CHM: variants seen among roughly 807,000 people sequenced by gnomAD.
CHM encodes CHM Rab escort protein, also known as rab proteins geranylgeranyltransferase component A 1.
Under a neutral mutation model 49.0 loss-of-function variants are expected in CHM, and 10 were observed. That is an observed-to-expected ratio of 0.20 (90% CI 0.13 to 0.35). The LOEUF (loss-of-function observed/expected upper bound fraction) is 0.35. Among genes scored for constraint, CHM ranks in the 10% least tolerant of loss-of-function variants. The pLI, the probability that CHM is intolerant of heterozygous loss-of-function variation, is 1.00. For missense variants in CHM, 455 were observed against 478.4 expected (o/e 0.95, Z 0.46); for synonymous variants, 184 against 167.5 (o/e 1.10, Z -0.76).
chrX:86,031,574 C>T (rs1048290141), intron 1 of CHM, among the ~76,000 whole-genome samples: 5 of 112,775 alleles, frequency 4.4e-5, no homozygotes, highest in African/African-American at 9.7e-5. Context: ...GGCACGGTGG[C>T]TCACACCTGT....
At chrX:85,934,220 T>A (rs996189718) in intron 8 of CHM, among the ~76,000 whole-genome samples, 3 of 107,467 alleles carry the variant, frequency 2.8e-5, no homozygotes, top group Non-Finnish European at 5.8e-5. Context: ...GACCTTGTGA[T>A]CTGCCCACCT....
chrX:86,012,686 T>C (rs1302022272), intron 2 of CHM, among the ~76,000 whole-genome samples: 2 of 111,541 alleles, frequency 1.8e-5, no homozygotes, highest in Non-Finnish European at 3.8e-5. Flanking sequence ...ATACTGTTGT[T>C]GGCAAATTCT....
At chrX:85,905,821 A>G (rs1230416457) in intron 9 of CHM, among the ~76,000 whole-genome samples, 1 of 111,618 alleles carries the variant, frequency 9.0e-6, no homozygotes, top group East Asian at 2.8e-4. Flanking sequence ...ACAGGGAGAC[A>G]GAGGCCAGAT....
chrX:85,976,479 G>C (rs752012968), intron 4 of CHM, among the ~76,000 whole-genome samples: 1 of 110,550 alleles, frequency 9.0e-6, no homozygotes, highest in African/African-American at 3.3e-5. Flanking sequence ...AAAATTAGCC[G>C]GGTGTGGTGG....
At chrX:85,876,268 A>G (rs1603235440) in intron 13 of CHM, among the ~76,000 whole-genome samples, 1 of 111,821 alleles carries the variant, frequency 8.9e-6, no homozygotes, top group African/African-American at 3.2e-5. Context: ...CAGAGAATGT[A>G]GAATTCAAAG....
intron 11 of CHM, among the ~76,000 whole-genome samples, chrX:85,897,626 G>A (rs1925989916): frequency 9.1e-6 from 1 of 110,233 alleles, no homozygotes; most frequent in South Asian, 3.9e-4. Flanking sequence ...GAGGAGCAGG[G>A]GATAAGCAGG....
chrX:85,897,498 T>C (rs1925977564), intron 11 of CHM, among the ~76,000 whole-genome samples: 2 of 109,495 alleles, frequency 1.8e-5, no homozygotes, highest in South Asian at 7.9e-4. Context: ...TCCTGATTCA[T>C]TCCTGGGCTG....
chrX:85,989,803 C>G (rs780156473), intron 2 of CHM, among the ~76,000 whole-genome samples: 16 of 111,900 alleles, frequency 1.4e-4, no homozygotes, highest in Non-Finnish European at 2.1e-4. Flanking sequence ...TACCATCTCA[C>G]ACTAGTCAAA....
rs909482629 is a variant in CHM at position 85,863,786 on chromosome X, A to G, written c.*844T>C. On this transcript the variant is annotated 3_prime_UTR_variant, in exon 15 of 15. Coordinates refer to ENST00000357749, the MANE Select transcript of CHM (RefSeq NM_000390.4). ...ACCATTCTCATATAGTAGGCATAGT[A>G]ATACTATTTCCACTTTATATATGGA... The G allele has an allele frequency of 8.9e-6, 1 of 112,079 alleles. No individual in the cohort carries two copies. The highest frequency in any genetic ancestry group is 1.9e-5 in the Non-Finnish European group (1 of 53,285). The allele number at this position is 112,079 out of a possible 1,213,427, so 9.2% of individuals were successfully genotyped here. A position where few individuals can be genotyped will look rare whatever the true frequency, so the allele number is the denominator to read the frequency against.
rs193157328 is a variant in CHM, at chrX:85,979,361, C to A, written c.190-470G>T. ...TTTGAAGGTTGGTCGCTAGTCATATCAAATTTTGATTACATATAAAAGTAC... is the reference window on the plus strand; with the variant it reads ...TTTGAAGGTTGGTCGCTAGTCATATAAAATTTTGATTACATATAAAAGTAC... On this transcript the variant is annotated intron_variant, in intron 3 of 14. Transcript: ENST00000357749. 1.9e-4 allele frequency among the ~76,000 whole-genome samples: 21 copies of A among 110,995 alleles called. 1 individual carries two copies. The East Asian group carries it at 5.1e-3, about 27-fold the overall frequency.
chrX:85,881,901 A>G (rs1924785534), intron 12 of CHM, among the ~76,000 whole-genome samples: 1 of 112,170 alleles, frequency 8.9e-6, no homozygotes, highest in African/African-American at 3.2e-5. Flanking sequence ...ATTAATTACT[A>G]AATCCAGAAG....
At chrX:85,974,485 T>C (rs990313746) in intron 4 of CHM, among the ~76,000 whole-genome samples, 2 of 111,824 alleles carry the variant, frequency 1.8e-5, no homozygotes, top group African/African-American at 6.5e-5. Flanking sequence ...TATCTGATAG[T>C]AAAGCCTATC....
At position 85,978,897 on chromosome X, in the gene CHM, C is replaced by T; in HGVS notation, c.190-6G>A. On this transcript the variant is annotated splice_region_variant and splice_polypyrimidine_tract_variant and intron_variant, in intron 3 of 14. Coordinates refer to ENST00000357749, the MANE Select transcript of CHM (RefSeq NM_000390.4). ...CTTACAATGTCACTGTTTTCCTAAA[C>T]AAAACACAGATAAGAAGTTTTAATC... 8 of 1,200,731 alleles carry T rather than the reference C, an allele frequency of 6.7e-6. No individual in the cohort carries two copies. The highest frequency in any genetic ancestry group is 9.0e-6 in the Non-Finnish European group (8 of 888,213).
At chrX:85,880,068 A>G (rs1331982283) in intron 12 of CHM, among the ~76,000 whole-genome samples, 2 of 111,209 alleles carry the variant, frequency 1.8e-5, no homozygotes, top group African/African-American at 6.5e-5. Context: ...ATATCTAAGC[A>G]TAAATTGAGG....
chrX:85,981,122 TATC>T (rs1401432147), intron 3 of CHM, among the ~76,000 whole-genome samples: 1 of 107,415 alleles, frequency 9.3e-6, no homozygotes, highest in Non-Finnish European at 1.9e-5. Context: ...GGGAAAAAAT[TATC>T]ATCTTATATT....
intron 14 of CHM, among the ~76,000 whole-genome samples, chrX:85,870,632 G>C: frequency 8.9e-6 from 1 of 111,954 alleles, no homozygotes; most frequent in Non-Finnish European, 1.9e-5. Context: ...TGGGAATGAG[G>C]ACTATGGAAC....
chrX:85,993,557 A>G (rs888272271), intron 2 of CHM, among the ~76,000 whole-genome samples: 1 of 112,297 alleles, frequency 8.9e-6, no homozygotes, highest in Non-Finnish European at 1.9e-5. Flanking sequence ...GTTGGCAAAC[A>G]GTATTATGCC....
chrX:85,915,684 A>C (rs933999668), intron 8 of CHM, among the ~76,000 whole-genome samples: 8 of 112,086 alleles, frequency 7.1e-5, no homozygotes, highest in African/African-American at 2.6e-4. Context: ...ATCAGGAAAG[A>C]CCACCATACA....
At chrX:85,948,452 G>A (rs1454373154) in intron 8 of CHM, among the ~76,000 whole-genome samples, 1 of 111,199 alleles carries the variant, frequency 9.0e-6, no homozygotes, top group African/African-American at 3.3e-5. Flanking sequence ...TGGATACTAG[G>A]TAGCAACATA....
Sources: allele counts gnomAD v4.1 joint callset (sites outside exome capture counted in the v4.1 genomes callset), GRCh38; gene constraint gnomAD v4.1.1; transcripts MANE v1.5; gene names NCBI Gene and HGNC (gene_info 2026-07-23, HGNC 2026-07-21).